Variants in CDKN3 observed in about 807,000 individuals in gnomAD.
The protein encoded by CDKN3 is cyclin dependent kinase inhibitor 3, also known as cyclin-dependent kinase inhibitor 3.
Under a neutral mutation model 36.1 loss-of-function variants are expected in CDKN3, and 19 were observed. The ratio of observed to expected loss-of-function variants is 0.53; its 90% CI spans 0.37 to 0.77. The LOEUF (loss-of-function observed/expected upper bound fraction) is 0.77, where lower values mean the gene tolerates loss of function less well. CDKN3 is among the 30% of genes least tolerant of loss of function. The pLI, the probability that CDKN3 is intolerant of heterozygous loss-of-function variation, is 0.00. For missense variants in CDKN3, 188 were observed against 248.6 expected (o/e 0.76, Z 1.64); for synonymous variants, 71 against 85.3 (o/e 0.83, Z 0.92).
chr14:54,417,447 GAT>G (rs2030588469), intron 6 of CDKN3, among the ~76,000 whole-genome samples: 1 of 152,234 alleles, frequency 6.6e-6, no homozygotes, highest in African/African-American at 2.4e-5. Context: ...AGAATAGGCA[GAT>G]CTACAGAGAC....
intron 2 of CDKN3, among the ~76,000 whole-genome samples, 186 bp from the exon 3 acceptor site, chr14:54,401,338 T>C (rs1566703657): frequency 6.6e-6 from 1 of 152,216 alleles, no homozygotes. Context: ...TTTTAAAACT[T>C]TGTCTTTCTA....
At chr14:54,415,345 C>T (rs1594608716) in intron 5 of CDKN3, among the ~76,000 whole-genome samples, 1 of 152,216 alleles carries the variant, frequency 6.6e-6, no homozygotes, top group Non-Finnish European at 1.5e-5. Flanking sequence ...CTATTGCTAT[C>T]ACCATTTTAA....
At chr14:54,418,466 T>C in intron 7 of CDKN3, 1 of 578,430 alleles carries the variant, frequency 1.7e-6, no homozygotes, top group East Asian at 2.9e-5. Flanking sequence ...CTTCCACATG[T>C]ACATTCCCCT....
intron 6 of CDKN3, among the ~76,000 whole-genome samples, chr14:54,416,953 G>A (rs1207872005): frequency 6.6e-6 from 1 of 152,170 alleles, no homozygotes; most frequent in Non-Finnish European, 1.5e-5. Flanking sequence ...CAGTCATCAG[G>A]AAATGCAAAT....
At chr14:54,397,571 G>A (rs1459405541) in intron 1 of CDKN3, among the ~76,000 whole-genome samples, 6 of 152,222 alleles carry the variant, frequency 3.9e-5, no homozygotes, top group African/African-American at 1.4e-4. Flanking sequence ...TGGCAATGCT[G>A]CTCTTTTCCC....
In CDKN3 at chr14:54,411,543, T is replaced by C; in HGVS notation, c.253T>C (p.Ser85Pro). ...TGTTTTCTGCACCAGAGGGGAACTG[T>C]CAAAATATAGAGTCCCAAACCTTCT... ...IFVFCTRGEL[S>P]KYRVPNLLDL... The change falls in exon 5 of 8, where the codon TCA becomes CCA. Residue 85 changes from serine (S) to proline (P), a missense_variant. Coordinates refer to ENST00000335183, the MANE Select transcript of CDKN3 (RefSeq NM_005192.4). 1.2e-6 allele frequency: 2 copies of C among 1,614,076 alleles called. No individual in the cohort carries two copies. The highest frequency in any genetic ancestry group is 1.7e-6 in the Non-Finnish European group (2 of 1,180,022).
At chr14:54,418,812 C>G (rs145200646) in intron 7 of CDKN3, among the ~76,000 whole-genome samples, 13 of 152,168 alleles carry the variant, frequency 8.5e-5, no homozygotes, top group Admixed American at 6.5e-4. Context: ...ACAATCCATA[C>G]AAGATCCACT....
intron 4 of CDKN3, among the ~76,000 whole-genome samples, chr14:54,410,435 G>C (rs1344857821): frequency 6.6e-6 from 1 of 151,880 alleles, no homozygotes; most frequent in East Asian, 1.9e-4. Flanking sequence ...GCTGGAGTTG[G>C]GAGCACTTAG....
At chr14:54,398,960 ACTT>A (rs1216022255) in intron 1 of CDKN3, among the ~76,000 whole-genome samples, 1 of 147,616 alleles carries the variant, frequency 6.8e-6, no homozygotes, top group Non-Finnish European at 1.5e-5. Context: ...CCTTGGCTTA[ACTT>A]CTTTCCTTTC....
chr14:54,419,210 T>C (rs531941772), intron 7 of CDKN3, among the ~76,000 whole-genome samples: 55 of 152,214 alleles, frequency 3.6e-4, no homozygotes, highest in Non-Finnish European at 7.5e-4. Context: ...TCACCTCTCT[T>C]CTCTTGAAAA....
intron 1 of CDKN3, 139 bp downstream of exon 1, chr14:54,397,216 G>A: frequency 9.7e-7 from 1 of 1,029,532 alleles, no homozygotes; most frequent in Non-Finnish European, 1.3e-6. Context: ...GGGTCGGGGA[G>A]GTGACTCGCA....
chr14:54,416,548 C>A (rs2030558271), intron 6 of CDKN3, among the ~76,000 whole-genome samples: 1 of 152,152 alleles, frequency 6.6e-6, no homozygotes, highest in South Asian at 2.1e-4. Flanking sequence ...GGCGTCGTGG[C>A]TCATGCCTGT....
intron 3 of CDKN3, among the ~76,000 whole-genome samples, chr14:54,404,492 A>C (rs1024602337): frequency 2.6e-5 from 4 of 151,854 alleles, no homozygotes; most frequent in Non-Finnish European, 4.4e-5. Flanking sequence ...TAATCATTTC[A>C]AAAAAACCAG....
Position 54,420,008 on chromosome 14 carries a change from A to T in CDKN3, c.569A>T (p.His190Leu), listed in dbSNP as rs772859042. ...IQTIKQYNYL[H>L]EFRDKLAAHL... ...TTTTTTCAGCAATACAATTATCTTCATGAGTTTCGGGACAAATTAGCTGCA... is the reference window on the plus strand; with the variant it reads ...TTTTTTCAGCAATACAATTATCTTCTTGAGTTTCGGGACAAATTAGCTGCA... Residue 190 changes from histidine (H) to leucine (L), a missense_variant, in exon 8 of 8, where the codon CAT (histidine) becomes CTT (leucine). Coordinates refer to ENST00000335183, the MANE Select transcript of CDKN3 (RefSeq NM_005192.4). 2 of 1,605,264 alleles carry T rather than the reference A, an allele frequency of 1.2e-6. No homozygotes were observed. Among genetic ancestry groups the T allele is most frequent in the Middle Eastern group, 1.7e-4 (1 of 5,998 alleles).
At chr14:54,416,911 CA>C (rs2030572360) in intron 6 of CDKN3, among the ~76,000 whole-genome samples, 1 of 152,202 alleles carries the variant, frequency 6.6e-6, no homozygotes, top group Admixed American at 6.5e-5. Flanking sequence ...CACATATAGT[CA>C]GTAAGCACAT....
chr14:54,401,222 C>G lies in CDKN3; in HGVS notation c.93-302C>G, dbSNP rs572406821. Among the ~76,000 whole-genome samples, 40 of 151,490 alleles carry G rather than the reference C, an allele frequency of 2.6e-4. No homozygotes were observed. The Middle Eastern group carries it at 0.014, about 52-fold the overall frequency. On this transcript the variant is annotated intron_variant, in intron 2 of 7. Coordinates refer to ENST00000335183, the MANE Select transcript of CDKN3 (RefSeq NM_005192.4). Reference sequence around the variant, plus strand: ...TGAACTCCTGGACTCAAACAGCCTGCCTGCCTTGGCCTCTCTAAGTGCTGG... The same window carrying G: ...TGAACTCCTGGACTCAAACAGCCTGGCTGCCTTGGCCTCTCTAAGTGCTGG...
In CDKN3 at chr14:54,411,654, A is replaced by T; in HGVS notation, c.364A>T (p.Ile122Leu). 3 of 1,614,052 alleles carry T rather than the reference A, an allele frequency of 1.9e-6. No homozygotes were observed. The highest frequency in any genetic ancestry group is 2.5e-6 in the Non-Finnish European group (3 of 1,179,932). ...TCCTGACATAGCCAGCTGCTGTGAA[A>T]TAATGGAAGAGCTTACAACCTGCCT... ...GTPDIASCCE[I>L]MEELTTCLKN... The change falls in exon 5 of 8, where the codon ATA becomes TTA. Residue 122 changes from isoleucine (I) to leucine (L), a missense_variant. Coordinates refer to ENST00000335183, the MANE Select transcript of CDKN3 (RefSeq NM_005192.4).
intron 1 of CDKN3, 129 bp downstream of exon 1, chr14:54,397,206 G>A (rs552704384): frequency 1.8e-6 from 2 of 1,094,706 alleles, no homozygotes; most frequent in African/African-American, 1.6e-5. Context: ...ACCGTTCTGC[G>A]GGTCGGGGAG....
intron 5 of CDKN3, among the ~76,000 whole-genome samples, chr14:54,413,434 TG>T: frequency 6.6e-6 from 1 of 152,182 alleles, no homozygotes; most frequent in African/African-American, 2.4e-5. Flanking sequence ...CTCTGTTTAG[TG>T]AAGTGAAGCT....
Sources: allele counts gnomAD v4.1 joint callset (sites outside exome capture counted in the v4.1 genomes callset), GRCh38; gene constraint gnomAD v4.1.1; transcripts MANE v1.5; gene names NCBI Gene and HGNC (gene_info 2026-07-23, HGNC 2026-07-21).